The following CADM3 variants were observed in gnomAD, a reference collection of about 807,000 sequenced individuals.
The protein encoded by CADM3 is cell adhesion molecule 3.
CADM3 carries 11 observed loss-of-function variants against 44.9 expected under a neutral mutation model. The observed-to-expected ratio is 0.25, with a 90% confidence interval of 0.15 to 0.41. The LOEUF (loss-of-function observed/expected upper bound fraction) is 0.41. CADM3 is among the 10% of genes least tolerant of loss of function. The pLI, the probability that CADM3 is intolerant of heterozygous loss-of-function variation, is 1.00. For synonymous variants in CADM3, 207 were observed against 205.2 expected (o/e 1.01, Z -0.08); for missense variants, 426 against 512.0 (o/e 0.83, Z 1.62).
chr1:159,186,337 A>G (rs1649417255), intron 1 of CADM3, among the ~76,000 whole-genome samples: 1 of 152,128 alleles, frequency 6.6e-6, no homozygotes, highest in African/African-American at 2.4e-5. Flanking sequence ...CTAAGCAGGG[A>G]AAGAATATGA....
At chr1:159,188,652 G>A (rs1003051334) in intron 1 of CADM3, among the ~76,000 whole-genome samples, 3 of 152,128 alleles carry the variant, frequency 2.0e-5, no homozygotes, top group East Asian at 1.9e-4. Flanking sequence ...GCTACTTCGG[G>A]GCGCTGCGGC....
chr1:159,171,626 G>A lies in CADM3; in HGVS notation c.-140G>A. The A allele has an allele frequency of 7.6e-6, 3 of 396,834 alleles. No homozygotes were observed. The highest frequency in any genetic ancestry group is 1.2e-5 in the Non-Finnish European group (3 of 253,560). The allele number at this position is 396,834 out of a possible 1,614,324, so 24.6% of individuals were successfully genotyped here. The stretch of plus-strand genomic sequence containing the variant: ...ACTGCAGCAGCGCCGGCTCCCTCCC[G>A]GTCCCCACCTCGGCCCCGGGCTCCG... On this transcript the variant is annotated 5_prime_UTR_variant, in exon 1 of 9. Coordinates refer to ENST00000368125, the MANE Select transcript of CADM3 (RefSeq NM_001127173.3).
chr1:159,180,138 A>G (rs1649173800), intron 1 of CADM3, among the ~76,000 whole-genome samples: 1 of 152,112 alleles, frequency 6.6e-6, no homozygotes, highest in African/African-American at 2.4e-5. Context: ...CAGAAGAGAG[A>G]GCCTGAATTC....
intron 1 of CADM3, among the ~76,000 whole-genome samples, chr1:159,178,825 C>T (rs887056002): frequency 1.3e-5 from 2 of 152,170 alleles, no homozygotes; most frequent in Non-Finnish European, 2.9e-5. Context: ...ATCAGAACTA[C>T]ACAAGCTTCT....
rs1312383895 is a variant in CADM3, at chr1:159,201,295, G to GT, written c.*374dup. ...CTGGAGTGTTAGGAGGAGAGTGAAG[G>GT]TAGAGGGGTGAGGAAGGGTAAGGGG... is the stretch of plus-strand genomic sequence containing the variant. On this transcript the variant is annotated 3_prime_UTR_variant, in exon 9 of 9. Transcript: ENST00000368125. 1 of 153,680 alleles carries GT rather than the reference G, an allele frequency of 6.5e-6. No homozygotes were observed. The highest frequency in any genetic ancestry group is 1.5e-5 in the Non-Finnish European group (1 of 68,956). The allele number at this position is 153,680 out of a possible 1,614,324, so 9.5% of individuals were successfully genotyped here.
intron 1 of CADM3, among the ~76,000 whole-genome samples, chr1:159,182,346 G>C (rs535597920): frequency 6.6e-6 from 1 of 152,294 alleles, no homozygotes; most frequent in South Asian, 2.1e-4. Flanking sequence ...TCATGCACAG[G>C]AGATGAGGCA....
At chr1:159,191,199 T>C (rs774483454) in intron 1 of CADM3, among the ~76,000 whole-genome samples, 2 of 152,240 alleles carry the variant, frequency 1.3e-5, no homozygotes, top group African/African-American at 2.4e-5. Flanking sequence ...TTAGAAAGCA[T>C]GTTTTCATCA....
At chr1:159,194,306 G>T in intron 5 of CADM3, 1 of 326,140 alleles carries the variant, frequency 3.1e-6, no homozygotes, top group Non-Finnish European at 5.6e-6. Flanking sequence ...TAGACAATAT[G>T]TAAACAAACG....
Position 159,192,633 on chromosome 1 carries a change from C to G in CADM3, c.285C>G (p.Ile95Met). Reference sequence around the variant, plus strand: ...CCTCTACGCCCCACGAGCTCAGCATCAGCATCAGCAATGTGGCCCTGGCAG... The same window carrying G: ...CCTCTACGCCCCACGAGCTCAGCATGAGCATCAGCAATGTGGCCCTGGCAG... ...LVTSTPHELS[I>M]SISNVALADE... Residue 95 changes from isoleucine (I) to methionine (M), a missense_variant, in exon 3 of 9, where the codon ATC (isoleucine) becomes ATG (methionine). Ile to Met is a conservative substitution (Grantham distance 10). This residue lies in a region of CADM3 where 362 missense variants were observed against 474.6 expected (regional missense o/e 0.76). Coordinates refer to ENST00000368125, the MANE Select transcript of CADM3 (RefSeq NM_001127173.3). 1.9e-6 allele frequency: 3 copies of G among 1,614,226 alleles called. No individual in the cohort carries two copies. Among genetic ancestry groups the G allele is most frequent in the Non-Finnish European group, 2.5e-6 (3 of 1,180,042 alleles).
chr1:159,183,169 T>C (rs1377621394), intron 1 of CADM3, among the ~76,000 whole-genome samples: 2 of 152,164 alleles, frequency 1.3e-5, no homozygotes, highest in African/African-American at 4.8e-5. Flanking sequence ...CAAATCTAAA[T>C]CTCTTAGATA....
chr1:159,179,243 TTC>T (rs1298177101), intron 1 of CADM3, among the ~76,000 whole-genome samples: 1 of 152,056 alleles, frequency 6.6e-6, no homozygotes, highest in Admixed American at 6.5e-5. Context: ...CAAGATTCTC[TTC>T]TCTCTCTCTC....
intron 1 of CADM3, 34 bp downstream of exon 1, chr1:159,171,887 G>A (rs1648822877): frequency 1.1e-5 from 13 of 1,212,554 alleles, no homozygotes; most frequent in South Asian, 8.3e-5. Context: ...CTGGGGAGGT[G>A]GGGAGTGACC....
At chr1:159,197,333 C>G in intron 7 of CADM3, 1 of 359,942 alleles carries the variant, frequency 2.8e-6, no homozygotes, top group East Asian at 5.2e-5. Context: ...ATCCCCTGCA[C>G]TTGTCTGACA....
intron 2 of CADM3, among the ~76,000 whole-genome samples, 173 bp downstream of exon 2, chr1:159,192,249 T>C (rs1370432606): frequency 6.6e-6 from 1 of 152,162 alleles, no homozygotes; most frequent in East Asian, 1.9e-4. Flanking sequence ...GCAGCTCTGA[T>C]TTACAGCATG....
rs1294836738 is a variant in CADM3, at chr1:159,198,269, T to C, written c.952+1209T>C. The C allele has an allele frequency of 2.6e-5, 4 of 152,168 alleles. No individual in the cohort carries two copies. In the East Asian group the frequency reaches 7.7e-4, roughly 29 times the overall value. The allele number at this position is 152,168 out of a possible 1,614,324, so 9.4% of individuals were successfully genotyped here. On this transcript the variant is annotated intron_variant, in intron 7 of 8. Coordinates refer to ENST00000368125, the MANE Select transcript of CADM3 (RefSeq NM_001127173.3). ...TCTACCTAGAGACAGGGGCCTGTAA[T>C]TGATGACCCCAGAGGTCGTTTGGCC...
At chr1:159,182,957 C>G (rs1194148200) in intron 1 of CADM3, among the ~76,000 whole-genome samples, 1 of 152,188 alleles carries the variant, frequency 6.6e-6, no homozygotes, top group Non-Finnish European at 1.5e-5. Flanking sequence ...TTTAACCCCA[C>G]CTTAACACCC....
At chr1:159,189,759 T>A in intron 1 of CADM3, 1 of 1,589,896 alleles carries the variant, frequency 6.3e-7, no homozygotes, top group Non-Finnish European at 8.6e-7. Context: ...TTGATGGAGA[T>A]TCTCTCCCCA....
At position 159,200,518 on chromosome 1, in the gene CADM3, GCACACACACACACACA is replaced by G. The variant is rs56164429; in HGVS notation, c.1079-264_1079-249del. 6.5e-4 allele frequency among the ~76,000 whole-genome samples: 98 copies of G among 151,002 alleles called. 1 individual carries two copies. The East Asian group carries it at 7.9e-3, about 12-fold the overall frequency. On this transcript the variant is annotated intron_variant, in intron 8 of 8. Coordinates refer to ENST00000368125, the MANE Select transcript of CADM3 (RefSeq NM_001127173.3). ...TACACACACACACGCATGCGTGCAAGCACACACACACACACACACACACACACACACACACACTTCT... is the reference window on the plus strand; with the variant it reads ...TACACACACACACGCATGCGTGCAAGCACACACACACACACACACACTTCT...
In CADM3 at chr1:159,192,714, C is replaced by A. The variant is rs755666560; in HGVS notation, c.366C>A (p.Ser122=). ...IFTMPVRTAK[S]LVTVLGIPQK... is the part of the protein sequence containing the mutation. Reference sequence around the variant, plus strand: ...CTATGCCTGTGCGAACTGCCAAGTCCCTCGTCACTGTGCTAGGTGAGACTC... The same window carrying A: ...CTATGCCTGTGCGAACTGCCAAGTCACTCGTCACTGTGCTAGGTGAGACTC... The change falls in exon 3 of 9, where the codon TCC becomes TCA. Residue 122 remains serine (S), a synonymous_variant. Transcript: ENST00000368125. 2 of 1,613,660 alleles carry A rather than the reference C, an allele frequency of 1.2e-6. No homozygotes were observed. The highest frequency in any genetic ancestry group is 1.7e-4 in the Middle Eastern group (1 of 5,850).
Sources: gnomAD v4.1 joint callset for allele counts (sites outside exome capture counted in the v4.1 genomes callset) on GRCh38, gnomAD v4.1.1 for gene constraint, gnomAD v4.1.1 regional missense constraint, MANE v1.5 for transcripts, NCBI Gene and HGNC (gene_info 2026-07-23, HGNC 2026-07-21) for gene names.